Variants in RHBDD1 observed in about 807,000 individuals in gnomAD.
RHBDD1 encodes the protein rhomboid domain containing 1, also known as rhomboid-related protein 4.
A neutral mutation model predicts 36.3 loss-of-function variants in RHBDD1; 38 were observed. The ratio of observed to expected loss-of-function variants is 1.05; its 90% CI spans 0.81 to 1.37. RHBDD1 has a LOEUF of 1.37. Ranked by LOEUF, RHBDD1 falls within the 40% of genes most tolerant of loss-of-function variation. RHBDD1 has a pLI of 0.00. For synonymous variants in RHBDD1, 151 were observed against 136.5 expected (o/e 1.11, Z -0.74); for missense variants, 393 against 377.6 (o/e 1.04, Z -0.34).
At chr2:226,892,915 A>G (rs1946807551) in intron 5 of RHBDD1, among the ~76,000 whole-genome samples, 1 of 152,202 alleles carries the variant, frequency 6.6e-6, no homozygotes, top group Admixed American at 6.5e-5. Context: ...GGGCCCAAGG[A>G]GCAGTAAATT....
upstream of RHBDD1, among the ~76,000 whole-genome samples, chr2:226,830,610 T>A (rs1940718747): frequency 6.6e-6 from 1 of 152,214 alleles, no homozygotes; most frequent in Non-Finnish European, 1.5e-5. Context: ...GCTCACGTGA[T>A]CCTCCTGCTT....
intron 5 of RHBDD1, among the ~76,000 whole-genome samples, chr2:226,879,575 A>C (rs1376932375): frequency 6.6e-6 from 1 of 152,214 alleles, no homozygotes; most frequent in Non-Finnish European, 1.5e-5. Context: ...AAAATGCAAA[A>C]AAAGGGTTAT....
intron 8 of RHBDD1, among the ~76,000 whole-genome samples, chr2:226,927,455 G>A (rs1240883164): frequency 6.6e-6 from 1 of 151,902 alleles, no homozygotes; most frequent in African/African-American, 2.4e-5. Context: ...ACCGGAATTT[G>A]TGTAAATATA....
chr2:226,842,872 G>A (rs956160015), intron 3 of RHBDD1, among the ~76,000 whole-genome samples: 46 of 152,178 alleles, frequency 3.0e-4, no homozygotes, highest in African/African-American at 1.1e-3. Flanking sequence ...TGGGCAGTAT[G>A]GCCGTTTTCA....
At chr2:226,963,325 A>G (rs992283579) in intron 8 of RHBDD1, among the ~76,000 whole-genome samples, 1 of 152,196 alleles carries the variant, frequency 6.6e-6, no homozygotes, top group Non-Finnish European at 1.5e-5. Context: ...TTGAATTACA[A>G]TACTTCCTTC....
intron 8 of RHBDD1, among the ~76,000 whole-genome samples, chr2:226,981,943 T>A (rs1955867178): frequency 6.6e-6 from 1 of 152,256 alleles, no homozygotes; most frequent in Non-Finnish European, 1.5e-5. Context: ...ATCGCCCTCA[T>A]GGTCCAAGTT....
intron 8 of RHBDD1, chr2:226,988,224 A>G (rs1002637629): frequency 6.0e-6 from 6 of 1,006,706 alleles, no homozygotes; most frequent in Non-Finnish European, 8.5e-6. Flanking sequence ...TCTCAAGATC[A>G]AGAAGCAAGA....
chr2:226,881,581 A>C (rs1439766820), intron 5 of RHBDD1, among the ~76,000 whole-genome samples: 1 of 152,140 alleles, frequency 6.6e-6, no homozygotes, highest in Non-Finnish European at 1.5e-5. Flanking sequence ...CCCAGGTCCG[A>C]GTATGTCATT....
At position 226,997,984 on chromosome 2, in the gene RHBDD1, G is replaced by A. The variant is rs1191153983; in HGVS notation, c.*2462G>A. ...ATTGGATTGAGAAAGACAAAAGCAA[G>A]TGAGCAAGTGTATTAGACTAATTAT... On this transcript the variant is annotated 3_prime_UTR_variant, in exon 9 of 9. Transcript: ENST00000392062. The A allele has an allele frequency of 6.6e-6, 1 of 152,224 alleles. No individual in the cohort carries two copies. Among genetic ancestry groups the A allele is most frequent in the Admixed American group, 6.5e-5 (1 of 15,280 alleles). 9.4% of individuals were successfully genotyped at this position (152,224 alleles called of 1,614,324 possible).
rs528954311 is a variant in RHBDD1 at position 226,865,665 on chromosome 2, G to T, written c.433+539G>T. On this transcript the variant is annotated intron_variant, in intron 4 of 8. Coordinates refer to ENST00000392062, the MANE Select transcript of RHBDD1 (RefSeq NM_001167608.3). The stretch of plus-strand genomic sequence containing the variant: ...CTAGGGCTGTTGGAGTCTTCACTGT[G>T]TGTGTTCCTTGCATGCAAATAAGGA... Among the ~76,000 whole-genome samples the T allele has an allele frequency of 2.0e-5, 3 of 152,278 alleles. No individual in the cohort carries two copies. The South Asian group carries it at 6.2e-4, about 32-fold the overall frequency.
At chr2:226,986,831 A>G (rs1957058183) in intron 8 of RHBDD1, among the ~76,000 whole-genome samples, 1 of 152,252 alleles carries the variant, frequency 6.6e-6, no homozygotes, top group South Asian at 2.1e-4. Context: ...ATTACTGGGT[A>G]TATACCCAAA....
At chr2:226,994,487 C>G (rs527900126) in intron 8 of RHBDD1, among the ~76,000 whole-genome samples, 2 of 152,296 alleles carry the variant, frequency 1.3e-5, no homozygotes, top group African/African-American at 4.8e-5. Context: ...AGTAAGACTT[C>G]TGGTTGATGT....
At chr2:226,810,710 G>A in the RHBDD1 span, among the ~76,000 whole-genome samples, 4 of 152,050 alleles carry the variant, frequency 2.6e-5, no homozygotes, top group African/African-American at 9.7e-5. Flanking sequence ...TGGTCTTGCT[G>A]TCTCAGTGGA....
At chr2:226,927,887 C>T (rs1268373107) in intron 8 of RHBDD1, among the ~76,000 whole-genome samples, 2 of 151,976 alleles carry the variant, frequency 1.3e-5, no homozygotes, top group Non-Finnish European at 2.9e-5. Flanking sequence ...AAATATTTTC[C>T]CTGAGTCTGT....
At chr2:226,892,089 CA>C (rs1413670235) in intron 5 of RHBDD1, among the ~76,000 whole-genome samples, 9 of 152,188 alleles carry the variant, frequency 5.9e-5, no homozygotes, top group African/African-American at 2.2e-4. Context: ...CTTTTGTTCA[CA>C]AATGTTCAGC....
chr2:226,877,350 T>C (rs1945323108), intron 5 of RHBDD1, among the ~76,000 whole-genome samples: 1 of 152,178 alleles, frequency 6.6e-6, no homozygotes. Context: ...TATCAAAGTA[T>C]CACATTTATT....
chr2:226,920,096 G>A (rs1471251147), intron 8 of RHBDD1, among the ~76,000 whole-genome samples: 1 of 151,186 alleles, frequency 6.6e-6, no homozygotes, highest in Non-Finnish European at 1.5e-5. Flanking sequence ...TTAAATATTT[G>A]TATTTAAATA....
chr2:226,906,842 A>G lies in RHBDD1; in HGVS notation c.616A>G (p.Thr206Ala), dbSNP rs563636779. 32 of 1,614,080 alleles carry G rather than the reference A, an allele frequency of 2.0e-5. 3 individuals carry two copies. Among genetic ancestry groups the G allele is most frequent in the Middle Eastern group, 3.3e-4 (2 of 6,060 alleles). ...LAGILVGLMY[T>A]QGPLKKIMEA... is the part of the protein sequence containing the mutation. ...TGGGATTCTTGTTGGACTAATGTAC[A>G]CTCAAGGGCCTCTGAAGAAAATCAT... The change falls in exon 6 of 9, where the codon ACT (threonine) becomes GCT (alanine). Residue 206 changes from threonine to alanine, a missense_variant. Physicochemically the swap from Thr to Ala is moderately conservative, Grantham distance 58 (BLOSUM62 0). Transcript: ENST00000392062.
intron 8 of RHBDD1, among the ~76,000 whole-genome samples, chr2:226,965,111 C>A (rs1952521934): frequency 6.6e-6 from 1 of 152,010 alleles, no homozygotes; most frequent in African/African-American, 2.4e-5. Flanking sequence ...AGGTAAGGAT[C>A]TCAAGATGAG....
Sources: gnomAD v4.1 joint callset for allele counts (sites outside exome capture counted in the v4.1 genomes callset) on GRCh38, gnomAD v4.1.1 for gene constraint, MANE v1.5 for transcripts, NCBI Gene and HGNC (gene_info 2026-07-23, HGNC 2026-07-21) for gene names.